Variants in DIABLO observed in about 807,000 individuals in gnomAD.
The protein encoded by DIABLO is diablo IAP-binding mitochondrial protein, also known as diablo homolog, mitochondrial.
A neutral mutation model predicts 31.7 loss-of-function variants in DIABLO; 32 were observed. The observed-to-expected ratio is 1.01, with a 90% confidence interval of 0.76 to 1.35. The LOEUF is 1.35. DIABLO is among the 40% of genes most tolerant of loss of function. The pLI is 0.00. For missense variants in DIABLO, 316 were observed against 286.4 expected (o/e 1.10, Z -0.75); for synonymous variants, 132 against 103.2 (o/e 1.28, Z -1.69).
intron 4 of DIABLO, 35 bp from the exon 5 acceptor site, chr12:122,216,619 AAGAGG>A (rs749069326): frequency 1.2e-6 from 2 of 1,602,320 alleles, no homozygotes; most frequent in South Asian, 2.2e-5. Context: ...CAGACAGCAT[AAGAGG>A]TCTAGCCCAT....
chr12:122,211,773 TACAC>T (rs994795338), intron 5 of DIABLO, among the ~76,000 whole-genome samples: 1 of 152,208 alleles, frequency 6.6e-6, no homozygotes, highest in African/African-American at 2.4e-5. Flanking sequence ...AATTGAGTAT[TACAC>T]ACATCTCAGA....
intron 2 of DIABLO, chr12:122,218,668 A>G (rs2136099551): frequency 2.4e-6 from 1 of 411,722 alleles, no homozygotes; most frequent in South Asian, 2.1e-5. Context: ...GTGGCGGGGT[A>G]CGGTGGCTCA....
intron 2 of DIABLO, 118 bp downstream of exon 2, chr12:122,224,393 TG>T: frequency 6.9e-7 from 1 of 1,459,518 alleles, no homozygotes; most frequent in Non-Finnish European, 9.6e-7. Flanking sequence ...GCCGGTACTG[TG>T]GGGGAAGGGA....
chr12:122,225,024 C>CT (rs1289154376), intron 1 of DIABLO: 1 of 387,030 alleles, frequency 2.6e-6, no homozygotes, highest in East Asian at 7.2e-5. Flanking sequence ...ATCTGCCTGA[C>CT]CAACATGGTG....
At chr12:122,224,020 A>C (rs765341883) in intron 2 of DIABLO, among the ~76,000 whole-genome samples, 2 of 152,088 alleles carry the variant, frequency 1.3e-5, no homozygotes, top group African/African-American at 2.4e-5. Context: ...GGCTGGTCTC[A>C]AACTCCTGAG....
chr12:122,225,730 G>A, intron 1 of DIABLO: 1 of 1,427,798 alleles, frequency 7.0e-7, no homozygotes, highest in Non-Finnish European at 9.1e-7. Context: ...GGCAGCCCGG[G>A]GTCTCGGGGA....
chr12:122,208,312 C>A lies in DIABLO; in HGVS notation c.*69G>T. On this transcript the variant is annotated 3_prime_UTR_variant, in exon 6 of 6. Coordinates refer to ENST00000464942, the MANE Select transcript of DIABLO (RefSeq NM_001371333.1). Reference sequence around the variant, plus strand: ...TCGGTGCACAGACAGTCATGCCAACCCTGGGCAGGGTGGCATCTGCCCCTG... The same window carrying A: ...TCGGTGCACAGACAGTCATGCCAACACTGGGCAGGGTGGCATCTGCCCCTG... The A allele has an allele frequency of 6.3e-7, 1 of 1,578,968 alleles. No homozygotes were observed. Among genetic ancestry groups the A allele is most frequent in the Non-Finnish European group, 8.6e-7 (1 of 1,157,294 alleles).
rs1436110455 is a variant in DIABLO, at chr12:122,219,662, C to G, written c.184-1265G>C. The stretch of plus-strand genomic sequence containing the variant: ...ACAAGGTCAAGAGATCGAGACCAGC[C>G]TGGCCAACATGGCGAAACCCCAACT... On this transcript the variant is annotated intron_variant, in intron 2 of 5. Coordinates refer to ENST00000464942, the MANE Select transcript of DIABLO (RefSeq NM_001371333.1). 4.0e-5 allele frequency among the ~76,000 whole-genome samples: 6 copies of G among 151,738 alleles called. No individual in the cohort carries two copies. The East Asian group carries it at 1.2e-3, about 30-fold the overall frequency.
intron 3 of DIABLO, among the ~76,000 whole-genome samples, chr12:122,217,951 C>G (rs2136098248): frequency 6.7e-6 from 1 of 149,962 alleles, no homozygotes; most frequent in African/African-American, 2.5e-5. Context: ...GTTTTATATA[C>G]TAGGCTGCCA....
upstream of DIABLO, chr12:122,227,279 A>ACACCT (rs1954497733): frequency 4.7e-6 from 2 of 423,054 alleles, no homozygotes; most frequent in Non-Finnish European, 9.6e-6. Flanking sequence ...GAACCCTACA[A>ACACCT]CACCTCCAAT....
At chr12:122,209,753 G>C in intron 5 of DIABLO, 1 of 703,144 alleles carries the variant, frequency 1.4e-6, no homozygotes, top group South Asian at 1.5e-5. Flanking sequence ...CAATTCGTCT[G>C]TAGAACATTT....
At chr12:122,208,830 T>C (rs1954006182) in intron 5 of DIABLO, 1 of 595,340 alleles carries the variant, frequency 1.7e-6, no homozygotes, top group African/African-American at 1.8e-5. Context: ...AATGCAACTC[T>C]CACAATCATC....
intron 5 of DIABLO, among the ~76,000 whole-genome samples, chr12:122,214,411 A>G (rs1028959826): frequency 2.0e-5 from 3 of 152,158 alleles, no homozygotes; most frequent in Non-Finnish European, 4.4e-5. Flanking sequence ...ATCAGAAAAC[A>G]AGAGTATGTT....
intron 2 of DIABLO, among the ~76,000 whole-genome samples, chr12:122,223,769 C>T (rs563760581): frequency 6.6e-6 from 1 of 152,184 alleles, no homozygotes; most frequent in African/African-American, 2.4e-5. Flanking sequence ...AAACAAAACT[C>T]CCTCCCAGAA....
intron 5 of DIABLO, among the ~76,000 whole-genome samples, chr12:122,216,280 G>C (rs1184967899): frequency 6.6e-6 from 1 of 152,134 alleles, no homozygotes; most frequent in Non-Finnish European, 1.5e-5. Context: ...AGCTTCTACT[G>C]GTCTGGTCTG....
At chr12:122,222,351 C>G (rs897998119) in intron 2 of DIABLO, 5 of 152,202 alleles carry the variant, frequency 3.3e-5, no homozygotes, top group Non-Finnish European at 7.3e-5. Context: ...GCCTGTAATC[C>G]CAGCACTTTG....
At chr12:122,224,413 C>T in intron 2 of DIABLO, 99 bp downstream of exon 2, 3 of 1,593,648 alleles carry the variant, frequency 1.9e-6, no homozygotes, top group Non-Finnish European at 2.6e-6. Flanking sequence ...GATGGGAGCA[C>T]TGGGAAAAAC....
In DIABLO at chr12:122,207,744, GGAAA is replaced by G. The variant is rs1469501941; in HGVS notation, c.*633_*636del. 6 of 490,128 alleles carry G rather than the reference GGAAA, an allele frequency of 1.2e-5. No homozygotes were observed. Among genetic ancestry groups the G allele is most frequent in the East Asian group, 1.2e-4 (2 of 16,752 alleles). 30.4% of individuals were successfully genotyped at this position (490,128 alleles called of 1,614,324 possible). ...TCTCCTTTGGATACAATAGAGAAACGGAAAGAAAGGAAGGAACAAGAGGCCTGTG... is the reference window on the plus strand; with the variant it reads ...TCTCCTTTGGATACAATAGAGAAACGGAAAGGAAGGAACAAGAGGCCTGTG... On this transcript the variant is annotated 3_prime_UTR_variant, in exon 6 of 6. Coordinates refer to ENST00000464942, the MANE Select transcript of DIABLO (RefSeq NM_001371333.1).
intron 5 of DIABLO, among the ~76,000 whole-genome samples, chr12:122,213,625 T>C (rs1454989062): frequency 6.6e-6 from 1 of 152,090 alleles, no homozygotes; most frequent in African/African-American, 2.4e-5. Context: ...TTCTAGATAT[T>C]CTCCTTTTCT....
Sources: gnomAD v4.1 joint callset for allele counts (sites outside exome capture counted in the v4.1 genomes callset) on GRCh38, gnomAD v4.1.1 for gene constraint, MANE v1.5 for transcripts, NCBI Gene and HGNC (gene_info 2026-07-23, HGNC 2026-07-21) for gene names.